HS3ST5: variants seen among roughly 807,000 people sequenced by gnomAD.
HS3ST5 encodes the protein heparan sulfate glucosamine 3-O-sulfotransferase 5.
HS3ST5 carries 10 observed loss-of-function variants against 25.4 expected under a neutral mutation model. The observed-to-expected ratio is 0.39, with a 90% CI of 0.24 to 0.67. HS3ST5 has a LOEUF of 0.67. HS3ST5 is among the 30% of genes least tolerant of loss of function. The pLI, the probability that HS3ST5 is intolerant of heterozygous loss-of-function variation, is 0.44. For synonymous variants in HS3ST5, 170 were observed against 162.4 expected, an observed-to-expected ratio of 1.05 and a Z score of -0.36; for missense variants, 324 against 420.7, an observed-to-expected ratio of 0.77 and a Z score of 2.01.
At chr6:114,210,922 T>C (rs1781486662) in intron 2 of HS3ST5, among the ~76,000 whole-genome samples, 1 of 152,238 alleles carries the variant, frequency 6.6e-6, no homozygotes, top group Non-Finnish European at 1.5e-5. Context: ...TCCCGCACTA[T>C]ATCTTACCTC....
chr6:114,235,389 TAA>T (rs202072854), intron 1 of HS3ST5, among the ~76,000 whole-genome samples: 7 of 144,968 alleles, frequency 4.8e-5, no homozygotes, highest in East Asian at 2.0e-4. Flanking sequence ...ACTAAACAAG[TAA>T]AAAAAAAAAA....
intron 3 of HS3ST5, among the ~76,000 whole-genome samples, chr6:114,146,026 ACT>A (rs1220243266): frequency 6.6e-6 from 1 of 152,144 alleles, no homozygotes; most frequent in African/African-American, 2.4e-5. Flanking sequence ...ATGGGTCCAA[ACT>A]CTCATAATTT....
At chr6:114,176,000 G>A (rs780423085) in intron 2 of HS3ST5, among the ~76,000 whole-genome samples, 11 of 151,990 alleles carry the variant, frequency 7.2e-5, no homozygotes, top group Non-Finnish European at 1.3e-4. Context: ...GTTTTCATTG[G>A]CTCTCTTCTG....
At chr6:114,098,746 A>AGCC (rs2114814916) in intron 3 of HS3ST5, among the ~76,000 whole-genome samples, 1 of 152,080 alleles carries the variant, frequency 6.6e-6, no homozygotes, top group African/African-American at 2.4e-5. Flanking sequence ...TCTTAGAATA[A>AGCC]ATAACTGTGT....
chr6:114,075,612 A>G (rs1365936272), intron 3 of HS3ST5, among the ~76,000 whole-genome samples: 2 of 151,924 alleles, frequency 1.3e-5, no homozygotes, highest in Non-Finnish European at 2.9e-5. Context: ...CTGCATTTTT[A>G]TTTTGCCCTG....
At chr6:114,267,499 T>C (rs1287026646) in intron 1 of HS3ST5, among the ~76,000 whole-genome samples, 1 of 152,134 alleles carries the variant, frequency 6.6e-6, no homozygotes, top group African/African-American at 2.4e-5. Flanking sequence ...AGATGACAGA[T>C]CCCAGAGAAC....
intron 3 of HS3ST5, among the ~76,000 whole-genome samples, chr6:114,149,130 G>A (rs992798493): frequency 2.6e-5 from 4 of 152,332 alleles, no homozygotes; most frequent in East Asian, 1.9e-4. Flanking sequence ...TACACTGTTG[G>A]TGGGAGTGTA....
intron 1 of HS3ST5, among the ~76,000 whole-genome samples, chr6:114,252,806 G>A (rs925375528): frequency 1.3e-4 from 20 of 152,096 alleles, no homozygotes; most frequent in Non-Finnish European, 2.2e-4. Flanking sequence ...CTGCGTAGTC[G>A]CAATTTGGAG....
chr6:114,218,520 CT>C (rs1346889026), intron 2 of HS3ST5, among the ~76,000 whole-genome samples: 1 of 152,158 alleles, frequency 6.6e-6, no homozygotes, highest in African/African-American at 2.4e-5. Flanking sequence ...AATTTTGCTT[CT>C]TTTGGAAAAC....
chr6:114,093,211 G>A (rs1256950233), intron 3 of HS3ST5, among the ~76,000 whole-genome samples: 1 of 152,050 alleles, frequency 6.6e-6, no homozygotes, highest in African/African-American at 2.4e-5. Context: ...AAGTACACTG[G>A]GTTGTTAAAG....
rs1772875886 is a variant in HS3ST5, at chr6:114,058,081, T to G, written c.217A>C (p.Lys73Gln). The G allele has an allele frequency of 6.2e-7, 1 of 1,614,148 alleles. No individual in the cohort carries two copies. Reference protein sequence around the residue: ...FKRGLLHEFRKGNASKEQVRL... With the variant: ...FKRGLLHEFRQGNASKEQVRL... ...ACCTGCTCCTTGGAAGCGTTGCCCT[T>G]CCGGAACTCGTGCAGCAGGCCACGC... Residue 73 changes from lysine (K) to glutamine (Q), a missense_variant, in exon 5 of 5, where the codon AAG becomes CAG. Transcript: ENST00000312719.
Position 114,062,823 on chromosome 6 carries a change from C to T in HS3ST5, c.23G>A (p.Trp8Ter). Residue 8 changes from tryptophan to a stop codon, truncating the protein, a stop_gained, in exon 4 of 5, where the codon TGG becomes TAG. Transcript: ENST00000312719. LOFTEE classifies it high-confidence loss of function. ...CAGCACCAGGAGCTTCTGTCTCAGC[C>T]ACGCCTGCTGTTTGAATAGCATGGC... The part of the protein sequence containing the change: MLFKQQA[W>*]LRQKLLVLGS... 1 of 1,614,054 alleles carries T rather than the reference C, an allele frequency of 6.2e-7. No individual in the cohort carries two copies. Among genetic ancestry groups the T allele is most frequent in the East Asian group, 2.2e-5 (1 of 44,876 alleles).
At chr6:114,297,645 T>C (rs1327049094) in intron 1 of HS3ST5, among the ~76,000 whole-genome samples, 1 of 152,232 alleles carries the variant, frequency 6.6e-6, no homozygotes, top group East Asian at 1.9e-4. Flanking sequence ...TACTGAGTGC[T>C]TTCTATGGAC....
chr6:114,297,174 G>C (rs1413756426), intron 1 of HS3ST5, among the ~76,000 whole-genome samples: 2 of 151,930 alleles, frequency 1.3e-5, no homozygotes, highest in Non-Finnish European at 2.9e-5. Flanking sequence ...AGCAGAGCTA[G>C]ACATTTACTT....
chr6:114,145,698 G>A (rs1478183015), intron 3 of HS3ST5, among the ~76,000 whole-genome samples: 5 of 152,170 alleles, frequency 3.3e-5, no homozygotes, highest in Admixed American at 2.0e-4. Flanking sequence ...AGAAGTGAGA[G>A]TTGAGTCTTG....
At chr6:114,078,844 T>TG in intron 3 of HS3ST5, among the ~76,000 whole-genome samples, 1 of 152,274 alleles carries the variant, frequency 6.6e-6, no homozygotes. Context: ...AGGCACACCT[T>TG]GGAGATGTCG....
chr6:114,300,977 T>C lies in HS3ST5; in HGVS notation c.-339+41218A>G, dbSNP rs767559615. 3.3e-5 allele frequency among the ~76,000 whole-genome samples: 5 copies of C among 152,264 alleles called. No homozygotes were observed. The Middle Eastern group carries it at 0.01, about 313-fold the overall frequency. On this transcript the variant is annotated intron_variant, in intron 1 of 4. Coordinates refer to ENST00000312719, the MANE Select transcript of HS3ST5 (RefSeq NM_153612.4). Reference sequence around the variant, plus strand: ...TCTATAGAGACAGAAAGTAGATTAGTAGTTGCCTAGAGCTAGTACGTTGGA... The same window carrying C: ...TCTATAGAGACAGAAAGTAGATTAGCAGTTGCCTAGAGCTAGTACGTTGGA...
At chr6:114,341,846 C>T (rs1320535176) in intron 1 of HS3ST5, among the ~76,000 whole-genome samples, 2 of 152,082 alleles carry the variant, frequency 1.3e-5, no homozygotes, top group Non-Finnish European at 2.9e-5. Context: ...CTCTGGCGAG[C>T]GCAGTAAACG....
At chr6:114,104,473 T>A (rs1239050446) in intron 3 of HS3ST5, among the ~76,000 whole-genome samples, 1 of 152,194 alleles carries the variant, frequency 6.6e-6, no homozygotes, top group Non-Finnish European at 1.5e-5. Context: ...CCACAATTGG[T>A]CCCAGTTCCC....
Sources: gnomAD v4.1 joint callset for allele counts (sites outside exome capture counted in the v4.1 genomes callset) on GRCh38, gnomAD v4.1.1 for gene constraint, MANE v1.5 for transcripts, NCBI Gene and HGNC (gene_info 2026-07-23, HGNC 2026-07-21) for gene names.